Variants in SEMA5A observed in about 807,000 individuals in gnomAD.
SEMA5A encodes semaphorin-5A.
A neutral mutation model predicts 135.5 loss-of-function variants in SEMA5A; 55 were observed. The ratio of observed to expected loss-of-function variants is 0.41; its 90% CI spans 0.33 to 0.51. SEMA5A has a LOEUF of 0.51. Ranked by LOEUF, SEMA5A falls within the 20% of genes least tolerant of loss-of-function variation. The pLI, the probability that SEMA5A is intolerant of heterozygous loss-of-function variation, is 0.37. For synonymous variants in SEMA5A, 580 were observed against 546.5 expected (o/e 1.06, Z -0.85); for missense variants, 1,290 against 1,419.9 (o/e 0.91, Z 1.47).
At chr5:9,181,652 C>T (rs1225687734) in intron 11 of SEMA5A, among the ~76,000 whole-genome samples, 1 of 152,120 alleles carries the variant, frequency 6.6e-6, no homozygotes, top group Admixed American at 6.5e-5. Flanking sequence ...AGGTCTGCAT[C>T]TTGGAAGATT....
In SEMA5A at chr5:9,322,398, G is replaced by A. The variant is rs977328021; in HGVS notation, c.225-3981C>T. On this transcript the variant is annotated intron_variant, in intron 4 of 22. Transcript: ENST00000382496. ...AGGGGCAAAGAGGAGGGAGGGGCAT[G>A]CTTACTAGGAAAAATAGCACAGTTA... Among the ~76,000 whole-genome samples the A allele has an allele frequency of 2.0e-5, 3 of 152,208 alleles. No individual in the cohort carries two copies. The East Asian group carries it at 5.8e-4, about 29-fold the overall frequency.
chr5:9,380,059 G>C lies in SEMA5A; in HGVS notation c.-77-36C>G, dbSNP rs947101063. 8.6e-5 allele frequency: 120 copies of C among 1,401,822 alleles called. No individual in the cohort carries two copies. In the African/African-American group the frequency reaches 1.7e-3, roughly 19 times the overall value. The allele number at this position is 1,401,822 out of a possible 1,614,324, so 86.8% of individuals were successfully genotyped here. A position where few individuals can be genotyped will look rare whatever the true frequency, so the allele number is the denominator to read the frequency against. On this transcript the variant is annotated intron_variant, in intron 2 of 22. Coordinates refer to ENST00000382496, the MANE Select transcript of SEMA5A (RefSeq NM_003966.3). Reference sequence around the variant, plus strand: ...CAAAAGAGAAGAATCAGATGACTGTGAGTTCGTTTTCTGGTGGGTGGTCTT... The same window carrying C: ...CAAAAGAGAAGAATCAGATGACTGTCAGTTCGTTTTCTGGTGGGTGGTCTT...
chr5:9,157,730 G>A (rs1241312308), intron 11 of SEMA5A, among the ~76,000 whole-genome samples: 1 of 152,204 alleles, frequency 6.6e-6, no homozygotes, highest in Non-Finnish European at 1.5e-5. Context: ...AAGAGCCTGT[G>A]ATTGTGGCAT....
chr5:9,441,168 C>G (rs370646361), intron 1 of SEMA5A, among the ~76,000 whole-genome samples: 1 of 152,204 alleles, frequency 6.6e-6, no homozygotes, highest in Non-Finnish European at 1.5e-5. Context: ...ACCTATTACA[C>G]TCTCAGGAGC....
chr5:9,162,382 ATGTG>A lies in SEMA5A; in HGVS notation c.1274-7691_1274-7688del, dbSNP rs1221606161. Among the ~76,000 whole-genome samples the A allele has an allele frequency of 1.6e-3, 203 of 128,932 alleles. 1 individual carries two copies. The highest frequency in any genetic ancestry group is 4.2e-3 in the African/African-American group (117 of 27,826). 84.6% of individuals were successfully genotyped at this position (128,932 alleles called of 152,430 possible). A position where few individuals can be genotyped will look rare whatever the true frequency, so the allele number is the denominator to read the frequency against. ...TATATAGCATGATGTTCAAACAAAC[ATGTG>A]TGTGTGTGTGTGTGTGTGTATATAT... On this transcript the variant is annotated intron_variant, in intron 11 of 22. Coordinates refer to ENST00000382496, the MANE Select transcript of SEMA5A (RefSeq NM_003966.3).
chr5:9,220,856 G>A (rs1199181777), intron 8 of SEMA5A, among the ~76,000 whole-genome samples: 6 of 152,164 alleles, frequency 3.9e-5, no homozygotes, highest in Non-Finnish European at 8.8e-5. Flanking sequence ...TGTGGGACTG[G>A]GGAGAACCAC....
intron 1 of SEMA5A, among the ~76,000 whole-genome samples, chr5:9,467,675 C>T (rs555236223): frequency 6.6e-6 from 1 of 152,226 alleles, no homozygotes; most frequent in African/African-American, 2.4e-5. Flanking sequence ...CACCAGGAGC[C>T]TCTAAGCCAG....
chr5:9,421,364 T>G (rs16882704), intron 2 of SEMA5A, among the ~76,000 whole-genome samples: 24,386 of 152,176 alleles, frequency 0.16, 2,184 homozygotes, highest in East Asian at 0.33. Context: ...CTATACTTGA[T>G]TGGTACACAT....
In SEMA5A at chr5:9,108,216, G is replaced by A. The variant is rs775480522; in HGVS notation, c.1997C>T (p.Thr666Ile). The change falls in exon 16 of 23, where the codon ACA becomes ATA. Residue 666 changes from threonine (T) to isoleucine (I), a missense_variant. Physicochemically the swap from Thr to Ile is moderately conservative, Grantham distance 89. Around this residue, in one of 3 missense-constraint regions of SEMA5A, gnomAD observed 1,029 missense variants for 1,086.6 expected, o/e 0.95. Transcript: ENST00000382496. ...WTGWGPWERC[T>I]AQCGGGIQAR... ...TTGAATGCCACCCCCGCATTGGGCT[G>A]TGCACCGTTCCCAAGGACCCCAGCC... is the stretch of plus-strand genomic sequence containing the variant. The A allele has an allele frequency of 1.2e-6, 2 of 1,614,178 alleles. No homozygotes were observed. The highest frequency in any genetic ancestry group is 1.7e-6 in the Non-Finnish European group (2 of 1,180,018).
rs116128279 is a variant in SEMA5A, at chr5:9,270,168, C to T, written c.271-32278G>A. 7.4e-3 allele frequency among the ~76,000 whole-genome samples: 1,131 copies of T among 152,220 alleles called. 17 individuals carry two copies. The highest frequency in any genetic ancestry group is 0.038 in the Admixed American group (582 of 15,288). On this transcript the variant is annotated intron_variant, in intron 5 of 22. Coordinates refer to ENST00000382496, the MANE Select transcript of SEMA5A (RefSeq NM_003966.3). ...AGGAGAAACCCAGGGCATTGAGCCT[C>T]TCTGGTAGACAACACTCTCCTCGTG... is the stretch of plus-strand genomic sequence containing the variant.
At chr5:9,462,087 T>C (rs1021012077) in intron 1 of SEMA5A, among the ~76,000 whole-genome samples, 1 of 152,174 alleles carries the variant, frequency 6.6e-6, no homozygotes, top group Admixed American at 6.5e-5. Flanking sequence ...CCCAAGACTT[T>C]CTCATACTCG....
intron 2 of SEMA5A, among the ~76,000 whole-genome samples, chr5:9,425,158 T>C (rs1197679497): frequency 6.6e-6 from 1 of 152,202 alleles, no homozygotes; most frequent in Non-Finnish European, 1.5e-5. Flanking sequence ...CAATCCAAAG[T>C]TGTCCCCTGT....
intron 1 of SEMA5A, among the ~76,000 whole-genome samples, chr5:9,439,551 C>T (rs1463085561): frequency 6.6e-6 from 1 of 152,158 alleles, no homozygotes; most frequent in East Asian, 1.9e-4. Flanking sequence ...TCTCCTGCCT[C>T]CCCCAGTGAG....
At chr5:9,519,746 G>A (rs1445084168) in intron 1 of SEMA5A, 1 of 152,188 alleles carries the variant, frequency 6.6e-6, no homozygotes, top group Non-Finnish European at 1.5e-5. Context: ...AAACCACTCT[G>A]AGACCCAGCT....
chr5:9,158,885 CATCTT>C (rs1476957163), intron 11 of SEMA5A, among the ~76,000 whole-genome samples: 5 of 152,178 alleles, frequency 3.3e-5, no homozygotes, highest in Non-Finnish European at 5.9e-5. Flanking sequence ...ATATTTGTCT[CATCTT>C]AGCAGAAGAG....
chr5:9,120,312 A>G (rs1740745667), intron 14 of SEMA5A, among the ~76,000 whole-genome samples: 2 of 152,240 alleles, frequency 1.3e-5, no homozygotes, highest in South Asian at 4.1e-4. Flanking sequence ...GTCAACAACT[A>G]TGCCACTGAA....
At chr5:9,272,278 C>T (rs1400470407) in intron 5 of SEMA5A, among the ~76,000 whole-genome samples, 1 of 152,110 alleles carries the variant, frequency 6.6e-6, no homozygotes, top group Non-Finnish European at 1.5e-5. Flanking sequence ...TGGAGCCCAC[C>T]ACCGCAGCTC....
chr5:9,531,984 A>C (rs1251978986), intron 1 of SEMA5A, among the ~76,000 whole-genome samples: 1 of 152,216 alleles, frequency 6.6e-6, no homozygotes. Flanking sequence ...CCTGTGGACA[A>C]AGAGATAAAT....
At position 9,388,469 on chromosome 5, in the gene SEMA5A, G is replaced by GAA. The variant is rs397996757; in HGVS notation, c.-77-8448_-77-8447dup. Among the ~76,000 whole-genome samples, 107 of 110,514 alleles carry GAA rather than the reference G, an allele frequency of 9.7e-4. 1 individual carries two copies. In the East Asian group the frequency reaches 0.014, roughly 14 times the overall value. 72.5% of individuals were successfully genotyped at this position (110,514 alleles called of 152,430 possible). On this transcript the variant is annotated intron_variant, in intron 2 of 22. Transcript: ENST00000382496. ...CTAAAGCAACAAAAGTCCTTTCTAA[G>GAA]AAAAAAAAAAAAAAGAAAAAGAAAA...
Sources: gnomAD v4.1 joint callset for allele counts (sites outside exome capture counted in the v4.1 genomes callset) on GRCh38, gnomAD v4.1.1 for gene constraint, gnomAD v4.1.1 regional missense constraint, MANE v1.5 for transcripts, NCBI Gene and HGNC (gene_info 2026-07-23, HGNC 2026-07-21) for gene names.